RMDN2: variants seen among roughly 807,000 people sequenced by gnomAD.
RMDN2 encodes regulator of microtubule dynamics protein 2.
RMDN2 carries 61 observed loss-of-function variants against 52.8 expected under a neutral mutation model. The ratio of observed to expected loss-of-function variants is 1.16; its 90% CI spans 0.94 to 1.43. The LOEUF (loss-of-function observed/expected upper bound fraction) is 1.43. Among genes scored for constraint, RMDN2 ranks in the 40% most tolerant of loss-of-function variants. RMDN2 has a pLI of 0.00. For synonymous variants in RMDN2, 180 were observed against 153.1 expected, an observed-to-expected ratio of 1.18 and a Z score of -1.30; for missense variants, 592 against 475.3, an observed-to-expected ratio of 1.25 and a Z score of -2.28.
chr2:37,930,275 T>A (rs1486397475), intron 2 of RMDN2, among the ~76,000 whole-genome samples: 1 of 152,238 alleles, frequency 6.6e-6, no homozygotes, highest in African/African-American at 2.4e-5. Context: ...TGAATTTTAG[T>A]GCAGGTCAAA....
At chr2:38,005,566 A>G (rs977500086) in intron 10 of RMDN2, among the ~76,000 whole-genome samples, 1 of 151,774 alleles carries the variant, frequency 6.6e-6, no homozygotes, top group African/African-American at 2.4e-5. Flanking sequence ...TTTTTCTTGT[A>G]AATTTGTTTG....
chr2:37,946,118 G>A (rs755708227), intron 2 of RMDN2, among the ~76,000 whole-genome samples: 17 of 152,094 alleles, frequency 1.1e-4, no homozygotes, highest in Non-Finnish European at 2.2e-4. Context: ...AAATCAAATC[G>A]TATCTTACCA....
At chr2:38,033,366 A>G (rs1413013016) in intron 10 of RMDN2, among the ~76,000 whole-genome samples, 1 of 152,188 alleles carries the variant, frequency 6.6e-6, no homozygotes, top group Non-Finnish European at 1.5e-5. Context: ...ACTCTATAGA[A>G]AGTCAAGCAG....
intron 2 of RMDN2, among the ~76,000 whole-genome samples, chr2:37,971,065 A>C (rs555509266): frequency 1.8e-4 from 27 of 151,846 alleles, no homozygotes; most frequent in Non-Finnish European, 3.2e-4. Context: ...GATAAAGTCT[A>C]ATTTATTCAT....
At chr2:37,948,658 C>G (rs1240530013) in intron 2 of RMDN2, among the ~76,000 whole-genome samples, 1 of 152,144 alleles carries the variant, frequency 6.6e-6, no homozygotes, top group East Asian at 1.9e-4. Context: ...TAGGTAAGTT[C>G]TTCACCTAGA....
intron 3 of RMDN2, chr2:37,974,970 T>C (rs1672275280): frequency 2.2e-6 from 1 of 446,032 alleles, no homozygotes; most frequent in Non-Finnish European, 4.0e-6. Context: ...TAGATGGAGC[T>C]AGTGTCTGGA....
chr2:37,977,672 A>G (rs12712567), intron 4 of RMDN2, among the ~76,000 whole-genome samples: 147,327 of 151,360 alleles, frequency 0.97, 71,738 homozygotes, highest in Middle Eastern at 1. Flanking sequence ...ACACTCCTCA[A>G]TTCCCAGACG....
intron 2 of RMDN2, among the ~76,000 whole-genome samples, chr2:37,965,444 A>T (rs921379778): frequency 3.1e-4 from 47 of 151,866 alleles, no homozygotes; most frequent in Non-Finnish European, 1.2e-4. Flanking sequence ...TAAAGTTATA[A>T]CAACATATTT....
chr2:37,926,821 A>G (rs1666318954), intron 1 of RMDN2, among the ~76,000 whole-genome samples: 1 of 152,196 alleles, frequency 6.6e-6, no homozygotes, highest in Non-Finnish European at 1.5e-5. Context: ...TTGTGGTCCT[A>G]GCTACTAGGG....
At chr2:37,993,768 G>A (rs1346870029) in intron 7 of RMDN2, among the ~76,000 whole-genome samples, 2 of 150,412 alleles carry the variant, frequency 1.3e-5, no homozygotes, top group African/African-American at 2.5e-5. Context: ...CTGGTGGGGG[G>A]TGGGGGGGAG....
At chr2:37,979,481 T>C (rs2125093099) in intron 4 of RMDN2, among the ~76,000 whole-genome samples, 1 of 152,312 alleles carries the variant, frequency 6.6e-6, no homozygotes, top group East Asian at 1.9e-4. Flanking sequence ...CATAATAGCA[T>C]GTTTAAGGTT....
At chr2:37,931,529 C>G (rs1666742176) in intron 2 of RMDN2, among the ~76,000 whole-genome samples, 1 of 152,210 alleles carries the variant, frequency 6.6e-6, no homozygotes, top group African/African-American at 2.4e-5. Flanking sequence ...GGCAGTTCTG[C>G]TGAAGGAGTA....
At chr2:37,933,177 G>A (rs1372959195) in intron 2 of RMDN2, among the ~76,000 whole-genome samples, 2 of 152,052 alleles carry the variant, frequency 1.3e-5, no homozygotes, top group East Asian at 1.9e-4. Context: ...GACGATGGGC[G>A]GCCGGGCAGA....
chr2:37,938,628 T>A (rs1194627622), intron 2 of RMDN2, among the ~76,000 whole-genome samples: 1 of 152,180 alleles, frequency 6.6e-6, no homozygotes, highest in East Asian at 1.9e-4. Context: ...CTTGGGAGGG[T>A]GTATGTGTCC....
chr2:37,962,669 T>C (rs1221976994), intron 2 of RMDN2, among the ~76,000 whole-genome samples: 1 of 152,068 alleles, frequency 6.6e-6, no homozygotes, highest in African/African-American at 2.4e-5. Context: ...CCTGACTCCC[T>C]GGCTTTTGCC....
intron 2 of RMDN2, among the ~76,000 whole-genome samples, chr2:37,937,356 T>G (rs756789992): frequency 4.6e-5 from 7 of 152,208 alleles, no homozygotes; most frequent in African/African-American, 7.2e-5. Context: ...TTCTTTTTGC[T>G]TAGGATTGTC....
At chr2:38,031,954 CACA>C (rs1573184527) in intron 10 of RMDN2, among the ~76,000 whole-genome samples, 1 of 152,200 alleles carries the variant, frequency 6.6e-6, no homozygotes, top group Admixed American at 6.5e-5. Context: ...GCAGATTGTG[CACA>C]ACAATGCCGC....
At chr2:38,007,603 T>C (rs1017533653) in intron 10 of RMDN2, among the ~76,000 whole-genome samples, 5 of 152,230 alleles carry the variant, frequency 3.3e-5, no homozygotes, top group African/African-American at 1.2e-4. Context: ...TCTTTTCTTC[T>C]TTATTAGTCT....
At chr2:37,952,311 G>A in intron 2 of RMDN2, 1 of 997,812 alleles carries the variant, frequency 1.0e-6, no homozygotes. Flanking sequence ...TCCTCACAAA[G>A]CTTCACTGCA....
Sources: gnomAD v4.1 joint callset for allele counts (sites outside exome capture counted in the v4.1 genomes callset) on GRCh38, gnomAD v4.1.1 for gene constraint, MANE v1.5 for transcripts, NCBI Gene and HGNC (gene_info 2026-07-23, HGNC 2026-07-21) for gene names.